The following NRXN3 variants were observed in gnomAD, a reference collection of about 807,000 sequenced individuals.
NRXN3 encodes neurexin III.
Under a neutral mutation model 137.6 loss-of-function variants are expected in NRXN3, and 32 were observed. The ratio of observed to expected loss-of-function variants is 0.23; its 90% CI spans 0.18 to 0.31. The LOEUF is 0.31. NRXN3 is among the 10% of genes least tolerant of loss of function. NRXN3 has a pLI of 1.00. For missense variants in NRXN3, 1,574 were observed against 2,062.5 expected (o/e 0.76, Z 4.59); for synonymous variants, 798 against 784.5 (o/e 1.02, Z -0.29).
intron 19 of NRXN3, among the ~76,000 whole-genome samples, chr14:79,721,242 C>T (rs116743069): frequency 2.1e-3 from 326 of 152,230 alleles, no homozygotes; most frequent in African/African-American, 7.7e-3. Context: ...ATTCCAGACA[C>T]AGATCATTAC....
At chr14:79,052,074 G>A (rs1228611045) in intron 15 of NRXN3, among the ~76,000 whole-genome samples, 1 of 152,178 alleles carries the variant, frequency 6.6e-6, no homozygotes, top group African/African-American at 2.4e-5. Flanking sequence ...AAGACAGCAT[G>A]AGGATTTTGT....
chr14:79,684,521 C>G (rs2098686932), intron 17 of NRXN3, among the ~76,000 whole-genome samples: 1 of 152,078 alleles, frequency 6.6e-6, no homozygotes, highest in African/African-American at 2.4e-5. Context: ...ACTGGCAATT[C>G]TATAGGATGT....
chr14:79,648,357 T>C (rs930679613), intron 16 of NRXN3, among the ~76,000 whole-genome samples: 1 of 135,624 alleles, frequency 7.4e-6, no homozygotes, highest in Non-Finnish European at 1.7e-5. Flanking sequence ...ACAGAAAATG[T>C]TGGCTCTGTG....
chr14:78,512,485 A>G (rs11626916), intron 4 of NRXN3, among the ~76,000 whole-genome samples: 58,331 of 151,976 alleles, frequency 0.38, 11,458 homozygotes, highest in Admixed American at 0.43. Flanking sequence ...TGGAAAATGT[A>G]AAAAACCCAG....
chr14:79,088,530 T>C (rs1489476579), intron 15 of NRXN3, among the ~76,000 whole-genome samples: 2 of 140,026 alleles, frequency 1.4e-5, no homozygotes, highest in Non-Finnish European at 2.9e-5. Flanking sequence ...TTTATTATAA[T>C]TATCCTCCTT....
intron 17 of NRXN3, among the ~76,000 whole-genome samples, chr14:79,679,004 T>C: frequency 6.6e-6 from 1 of 152,158 alleles, no homozygotes; most frequent in East Asian, 1.9e-4. Context: ...TGAGAGACTT[T>C]ATCTTTCTTC....
In NRXN3 at chr14:78,590,541, A is replaced by G. The variant is rs141940078; in HGVS notation, c.758-54579A>G. On this transcript the variant is annotated intron_variant, in intron 4 of 20. Coordinates refer to ENST00000335750, the MANE Select transcript of NRXN3 (RefSeq NM_001330195.2). ...TTTGATAGTTTCTTCTTTGGGAGTG[A>G]AAACCCTATGCATTTAAGAACAGAA... Among the ~76,000 whole-genome samples the G allele has an allele frequency of 4.2e-3, 636 of 152,314 alleles. 10 individuals are homozygous for G. Among genetic ancestry groups the G allele is most frequent in the African/African-American group, 0.014 (600 of 41,560 alleles).
At chr14:78,214,237 A>G (rs572016941) in intron 1 of NRXN3, among the ~76,000 whole-genome samples, 22 of 151,906 alleles carry the variant, frequency 1.4e-4, no homozygotes, top group Non-Finnish European at 2.8e-4. Flanking sequence ...CATTCCTACC[A>G]CAGGGCCTTT....
At chr14:79,772,572 A>G (rs1272836953) in intron 19 of NRXN3, among the ~76,000 whole-genome samples, 2 of 152,244 alleles carry the variant, frequency 1.3e-5, no homozygotes, top group African/African-American at 4.8e-5. Context: ...CTGGCTAGCC[A>G]TATGTAGAAA....
intron 15 of NRXN3, among the ~76,000 whole-genome samples, chr14:79,295,957 C>T (rs2084032280): frequency 6.6e-6 from 1 of 152,098 alleles, no homozygotes; most frequent in Admixed American, 6.6e-5. Flanking sequence ...TACTGTTTTC[C>T]AGGCACTGTC....
intron 4 of NRXN3, among the ~76,000 whole-genome samples, chr14:78,594,229 C>T (rs968021401): frequency 5.3e-5 from 8 of 152,170 alleles, no homozygotes; most frequent in African/African-American, 1.2e-4. Context: ...CGTGCCTCCT[C>T]GGCAAGCCTG....
At chr14:78,481,857 TA>T (rs1567714427) in intron 4 of NRXN3, among the ~76,000 whole-genome samples, 2 of 152,202 alleles carry the variant, frequency 1.3e-5, no homozygotes, top group African/African-American at 4.8e-5. Context: ...GACTCTTTTA[TA>T]TTATAGAGTT....
At chr14:79,487,603 G>T (rs1440632772) in intron 16 of NRXN3, among the ~76,000 whole-genome samples, 3 of 150,912 alleles carry the variant, frequency 2.0e-5, no homozygotes, top group African/African-American at 7.4e-5. Context: ...TCTTTGCATG[G>T]GGGATCTATC....
At chr14:79,397,231 C>G (rs951955981) in intron 15 of NRXN3, among the ~76,000 whole-genome samples, 1 of 152,140 alleles carries the variant, frequency 6.6e-6, no homozygotes, top group East Asian at 1.9e-4. Flanking sequence ...TTTCAAAACT[C>G]ATCCCTGCAT....
At chr14:78,968,123 G>T (rs374061200) in intron 13 of NRXN3, 50 bp from the exon 14 acceptor site, 1 of 1,154,038 alleles carries the variant, frequency 8.7e-7, no homozygotes, top group Middle Eastern at 2.5e-4. Flanking sequence ...AGTTGACATG[G>T]TCACCACATC....
At chr14:78,606,424 T>C (rs1455871450) in intron 4 of NRXN3, among the ~76,000 whole-genome samples, 1 of 152,218 alleles carries the variant, frequency 6.6e-6, no homozygotes, top group East Asian at 1.9e-4. Context: ...CTCATTCTTC[T>C]AGACTAACTC....
At chr14:78,900,149 A>T (rs2099190786) in intron 10 of NRXN3, among the ~76,000 whole-genome samples, 1 of 152,064 alleles carries the variant, frequency 6.6e-6, no homozygotes, top group South Asian at 2.1e-4. Context: ...TTTTAGTTCT[A>T]CAAATGTTCT....
At chr14:78,521,872 T>A (rs1422920592) in intron 4 of NRXN3, among the ~76,000 whole-genome samples, 1 of 152,156 alleles carries the variant, frequency 6.6e-6, no homozygotes, top group African/African-American at 2.4e-5. Context: ...AGGATGTAAA[T>A]TAACTTATTG....
chr14:78,448,386 A>G (rs2094471879), intron 4 of NRXN3, among the ~76,000 whole-genome samples: 1 of 152,232 alleles, frequency 6.6e-6, no homozygotes, highest in Non-Finnish European at 1.5e-5. Flanking sequence ...AGGTGACTCA[A>G]TAGGTCATGG....
Sources: gnomAD v4.1 joint callset for allele counts (sites outside exome capture counted in the v4.1 genomes callset) on GRCh38, gnomAD v4.1.1 for gene constraint, MANE v1.5 for transcripts, NCBI Gene and HGNC (gene_info 2026-07-23, HGNC 2026-07-21) for gene names.